PLXDC2: variants seen among roughly 807,000 people sequenced by gnomAD.
The protein encoded by PLXDC2 is plexin domain containing 2, also known as plexin domain-containing protein 2.
In PLXDC2, 40 loss-of-function variants were observed where a neutral mutation model predicts 68.9. The observed-to-expected ratio is 0.58, with a 90% confidence interval of 0.45 to 0.76. The LOEUF (loss-of-function observed/expected upper bound fraction) is 0.76, where lower values mean the gene tolerates loss of function less well. Among genes scored for constraint, PLXDC2 ranks in the 30% least tolerant of loss-of-function variants. PLXDC2 has a pLI of 0.00. For missense variants in PLXDC2, 644 were observed against 661.9 expected, an observed-to-expected ratio of 0.97 and a Z score of 0.30; for synonymous variants, 243 against 234.2, an observed-to-expected ratio of 1.04 and a Z score of -0.34.
At chr10:20,023,548 C>T (rs1835349678) in intron 2 of PLXDC2, among the ~76,000 whole-genome samples, 1 of 152,124 alleles carries the variant, frequency 6.6e-6, no homozygotes, top group South Asian at 2.1e-4. Context: ...CTTTCTCTTG[C>T]TCTCTCTTGC....
chr10:20,134,415 G>T (rs147872628), intron 4 of PLXDC2, among the ~76,000 whole-genome samples: 1 of 152,108 alleles, frequency 6.6e-6, no homozygotes, highest in African/African-American at 2.4e-5. Flanking sequence ...CTGTGCCAGC[G>T]GCTGACAAAA....
At chr10:20,198,667 TA>T (rs1336060912) in intron 9 of PLXDC2, among the ~76,000 whole-genome samples, 3 of 152,046 alleles carry the variant, frequency 2.0e-5, no homozygotes, top group Non-Finnish European at 4.4e-5. Flanking sequence ...TCCAACATCA[TA>T]AAAAAATTAT....
intron 2 of PLXDC2, among the ~76,000 whole-genome samples, chr10:20,024,425 C>G (rs920539340): frequency 1.3e-5 from 2 of 152,110 alleles, no homozygotes; most frequent in African/African-American, 4.8e-5. Context: ...TCATCTGATT[C>G]CAAGGAATAT....
At chr10:19,977,414 G>A (rs1469925624) in intron 1 of PLXDC2, among the ~76,000 whole-genome samples, 2 of 152,156 alleles carry the variant, frequency 1.3e-5, no homozygotes, top group Non-Finnish European at 2.9e-5. Flanking sequence ...TCTGCTTGGA[G>A]GGCCTAAGCC....
intron 12 of PLXDC2, among the ~76,000 whole-genome samples, chr10:20,225,795 G>T (rs1835278196): frequency 6.7e-6 from 1 of 149,580 alleles, no homozygotes; most frequent in Admixed American, 6.6e-5. Context: ...AGCCTCTAGG[G>T]CTGGAACCTG....
intron 2 of PLXDC2, among the ~76,000 whole-genome samples, chr10:20,026,142 T>C (rs1835398292): frequency 7.2e-6 from 1 of 139,846 alleles, no homozygotes; most frequent in Non-Finnish European, 1.6e-5. Flanking sequence ...AATCAAGTGG[T>C]TCTAGATTAT....
chr10:19,827,571 T>C (rs879827013), intron 1 of PLXDC2, among the ~76,000 whole-genome samples: 10 of 152,162 alleles, frequency 6.6e-5, no homozygotes, highest in Middle Eastern at 3.4e-3. Context: ...TTTCTTTTTT[T>C]TTTTTTTAAG....
At chr10:19,841,085 T>C (rs1013016651) in intron 1 of PLXDC2, among the ~76,000 whole-genome samples, 2 of 152,192 alleles carry the variant, frequency 1.3e-5, no homozygotes, top group African/African-American at 2.4e-5. Flanking sequence ...TGAGCATTTT[T>C]GATTAGCCGA....
chr10:20,062,014 T>G (rs1366859190), intron 3 of PLXDC2, among the ~76,000 whole-genome samples: 2 of 152,342 alleles, frequency 1.3e-5, no homozygotes, highest in East Asian at 3.9e-4. Context: ...AGCATATTGT[T>G]ATACTTCATT....
intron 4 of PLXDC2, among the ~76,000 whole-genome samples, chr10:20,117,289 A>G (rs778950030): frequency 3.9e-5 from 6 of 152,234 alleles, no homozygotes; most frequent in African/African-American, 1.4e-4. Flanking sequence ...AATAATGACA[A>G]ATACCATGTT....
At chr10:19,987,503 C>T (rs1034410115) in intron 1 of PLXDC2, among the ~76,000 whole-genome samples, 7 of 151,838 alleles carry the variant, frequency 4.6e-5, no homozygotes, top group Non-Finnish European at 7.4e-5. Context: ...GGTACACTTG[C>T]CATCCTTTTT....
chr10:19,996,018 G>T (rs1315240219), intron 1 of PLXDC2, among the ~76,000 whole-genome samples: 2 of 152,198 alleles, frequency 1.3e-5, no homozygotes, highest in Non-Finnish European at 2.9e-5. Flanking sequence ...ACAAGAGGAT[G>T]GGGTGTCTTA....
intron 1 of PLXDC2, among the ~76,000 whole-genome samples, chr10:19,860,823 T>G (rs1837305564): frequency 6.6e-6 from 1 of 152,158 alleles, no homozygotes; most frequent in Non-Finnish European, 1.5e-5. Context: ...GGTATGTACA[T>G]AGTCTTCAGT....
chr10:20,249,472 C>A (rs147641358), intron 13 of PLXDC2, among the ~76,000 whole-genome samples: 2 of 152,156 alleles, frequency 1.3e-5, no homozygotes, highest in African/African-American at 4.8e-5. Context: ...CGTTTCCTTG[C>A]CATTTTCAGC....
At chr10:19,961,344 T>C (rs1017294768) in intron 1 of PLXDC2, among the ~76,000 whole-genome samples, 2 of 152,194 alleles carry the variant, frequency 1.3e-5, no homozygotes, top group Non-Finnish European at 2.9e-5. Context: ...GAGGCCACAG[T>C]TGGATCGCTG....
intron 13 of PLXDC2, among the ~76,000 whole-genome samples, chr10:20,246,593 TC>T (rs2119337835): frequency 6.6e-6 from 1 of 152,228 alleles, no homozygotes; most frequent in East Asian, 1.9e-4. Flanking sequence ...CAAGTGATCC[TC>T]CCGCCTTGGC....
At chr10:20,171,043 C>T (rs1834440266) in intron 7 of PLXDC2, among the ~76,000 whole-genome samples, 1 of 151,758 alleles carries the variant, frequency 6.6e-6, no homozygotes, top group African/African-American at 2.4e-5. Flanking sequence ...CTAATTTTTC[C>T]CATAGAAAAC....
chr10:19,820,137 T>G (rs1836436214), intron 1 of PLXDC2, among the ~76,000 whole-genome samples: 1 of 152,158 alleles, frequency 6.6e-6, no homozygotes, highest in South Asian at 2.1e-4. Flanking sequence ...AAGGTAATTT[T>G]TGTTGTTGTT....
intron 1 of PLXDC2, among the ~76,000 whole-genome samples, chr10:19,901,319 C>T (rs1838157269): frequency 6.6e-6 from 1 of 151,940 alleles, no homozygotes; most frequent in Admixed American, 6.6e-5. Flanking sequence ...CCCTTTTTAC[C>T]ACCTCCCTGC....
Sources: gnomAD v4.1 joint callset for allele counts (sites outside exome capture counted in the v4.1 genomes callset) on GRCh38, gnomAD v4.1.1 for gene constraint, MANE v1.5 for transcripts, NCBI Gene and HGNC (gene_info 2026-07-23, HGNC 2026-07-21) for gene names.